The following SAXO1 variants were observed in gnomAD, a reference collection of about 807,000 sequenced individuals.
The protein encoded by SAXO1 is stabilizer of axonemal microtubules 1, also known as 4930500O09Rik.
Under a neutral mutation model 17.5 loss-of-function variants are expected in SAXO1, and 21 were observed. The ratio of observed to expected loss-of-function variants is 1.20; its 90% CI spans 0.85 to 1.72. SAXO1 has a LOEUF of 1.72. SAXO1 is among the 40% of genes most tolerant of loss of function. The pLI is 0.00. For synonymous variants in SAXO1, 274 were observed against 216.5 expected (o/e 1.27, Z -2.33); for missense variants, 843 against 596.0 (o/e 1.41, Z -4.32).
chr9:19,033,006 A>C lies in SAXO1; in HGVS notation c.-98T>G. On this transcript the variant is annotated 5_prime_UTR_variant, in exon 1 of 4. Transcript: ENST00000380534. ...CTGTCTTGGGGCACGCCCAGGCTCGAGGGTCTTGGCAGGTGTTCTGTTTAC... is the reference window on the plus strand; with the variant it reads ...CTGTCTTGGGGCACGCCCAGGCTCGCGGGTCTTGGCAGGTGTTCTGTTTAC... 7.5e-7 allele frequency: 1 copy of C among 1,327,332 alleles called. No individual in the cohort carries two copies. Among genetic ancestry groups the C allele is most frequent in the Non-Finnish European group, 1.0e-6 (1 of 986,186 alleles). 82.2% of individuals were successfully genotyped at this position (1,327,332 alleles called of 1,614,324 possible).
intron 1 of SAXO1, among the ~76,000 whole-genome samples, chr9:18,959,107 G>A (rs767485043): frequency 3.3e-5 from 5 of 152,094 alleles, no homozygotes; most frequent in Admixed American, 1.3e-4. Flanking sequence ...GCTGGGGTGG[G>A]GACAAGGACT....
intron 1 of SAXO1, among the ~76,000 whole-genome samples, chr9:19,045,771 TAGG>T (rs1200185551): frequency 6.6e-6 from 1 of 152,194 alleles, no homozygotes; most frequent in African/African-American, 2.4e-5. Flanking sequence ...TAACTTTAAA[TAGG>T]AGCAGACAAC....
chr9:19,012,061 G>A (rs1208774096), intron 1 of SAXO1, among the ~76,000 whole-genome samples: 1 of 151,762 alleles, frequency 6.6e-6, no homozygotes, highest in Admixed American at 6.6e-5. Context: ...GGCCAGGATG[G>A]TCTCGATCTC....
chr9:18,928,769 G>C lies in SAXO1; in HGVS notation c.708C>G (p.Ser236Arg). 2 of 1,614,142 alleles carry C rather than the reference G, an allele frequency of 1.2e-6. No homozygotes were observed. Among genetic ancestry groups the C allele is most frequent in the Non-Finnish European group, 1.7e-6 (2 of 1,180,032 alleles). Reference protein sequence around the residue: ...KFRPCEIPFESLTTQKQSYRG... With the variant: ...KFRPCEIPFERLTTQKQSYRG... ...GGTAGGATTGTTTTTGAGTGGTAAG[G>C]CTTTCAAAGGGGATTTCACAGGGCC... The change falls in exon 4 of 4, where the codon AGC becomes AGG. Residue 236 changes from serine (S) to arginine (R), a missense_variant. Transcript: ENST00000380534.
At position 19,006,216 on chromosome 9, in the gene SAXO1, T is replaced by G. The variant is rs182260509; in HGVS notation, c.38+26655A>C. Among the ~76,000 whole-genome samples the G allele has an allele frequency of 6.6e-5, 10 of 152,338 alleles. No individual in the cohort carries two copies. The East Asian group carries it at 1.9e-3, about 29-fold the overall frequency. ...TCTCTGTGCAAAACAGTATGATGGT[T>G]TCTCAAAAAGTTAAACATAGAATTA... On this transcript the variant is annotated intron_variant, in intron 1 of 3. Transcript: ENST00000380534.
chr9:18,952,983 C>T (rs1445003322), intron 1 of SAXO1, among the ~76,000 whole-genome samples: 1 of 152,198 alleles, frequency 6.6e-6, no homozygotes. Context: ...AATGACCCAT[C>T]GCCCACAGCG....
chr9:18,960,227 G>A (rs748483071), intron 1 of SAXO1, among the ~76,000 whole-genome samples: 1 of 152,168 alleles, frequency 6.6e-6, no homozygotes, highest in Non-Finnish European at 1.5e-5. Context: ...CCTGGGACGC[G>A]TGGGGTAGGA....
At chr9:19,047,608 A>T (rs1011216915) in intron 1 of SAXO1, among the ~76,000 whole-genome samples, 2 of 152,190 alleles carry the variant, frequency 1.3e-5, no homozygotes, top group African/African-American at 4.8e-5. Context: ...AATTTCGAAT[A>T]TGTTTTTAGA....
intron 1 of SAXO1, among the ~76,000 whole-genome samples, chr9:19,011,386 C>T (rs560250598): frequency 6.6e-6 from 1 of 152,254 alleles, no homozygotes; most frequent in East Asian, 1.9e-4. Flanking sequence ...CACTGGGAAC[C>T]CCAAGGCCAT....
intron 1 of SAXO1, chr9:19,027,486 G>A (rs908394760): frequency 1.1e-5 from 9 of 810,850 alleles, no homozygotes; most frequent in Admixed American, 3.5e-5. Context: ...TTGAGAACTT[G>A]CGGATCCAAC....
At chr9:19,022,863 C>T (rs1267620563) in intron 1 of SAXO1, among the ~76,000 whole-genome samples, 1 of 152,084 alleles carries the variant, frequency 6.6e-6, no homozygotes, top group African/African-American at 2.4e-5. Flanking sequence ...CTGGTAAAGA[C>T]AATAAAACAG....
intron 1 of SAXO1, among the ~76,000 whole-genome samples, chr9:19,018,038 C>A (rs1159691601): frequency 6.6e-6 from 1 of 152,018 alleles, no homozygotes; most frequent in Non-Finnish European, 1.5e-5. Flanking sequence ...TGTGGTTGTA[C>A]ACACCTGTAG....
intron 1 of SAXO1, among the ~76,000 whole-genome samples, chr9:18,956,881 T>G (rs1183418346): frequency 6.6e-6 from 1 of 152,180 alleles, no homozygotes; most frequent in Non-Finnish European, 1.5e-5. Flanking sequence ...CATCACCATT[T>G]TACAAATAGG....
chr9:18,991,716 T>G (rs1833823402), intron 1 of SAXO1, among the ~76,000 whole-genome samples: 1 of 152,144 alleles, frequency 6.6e-6, no homozygotes. Context: ...AAAGTACAAT[T>G]TAAAAAAATT....
At chr9:19,026,106 G>A (rs1835460742) in intron 1 of SAXO1, among the ~76,000 whole-genome samples, 1 of 152,144 alleles carries the variant, frequency 6.6e-6, no homozygotes, top group South Asian at 2.1e-4. Context: ...AAGATTATTT[G>A]TAAGCTTCCC....
intron 1 of SAXO1, among the ~76,000 whole-genome samples, chr9:18,974,268 G>A (rs934169017): frequency 3.3e-5 from 5 of 152,320 alleles, no homozygotes; most frequent in Admixed American, 2.0e-4. Context: ...GTGTTGGAAC[G>A]GAATTGGAAG....
At chr9:19,045,774 G>A (rs1836198439) in intron 1 of SAXO1, among the ~76,000 whole-genome samples, 1 of 152,198 alleles carries the variant, frequency 6.6e-6, no homozygotes, top group Non-Finnish European at 1.5e-5. Context: ...CTTTAAATAG[G>A]AGCAGACAAC....
intron 1 of SAXO1, among the ~76,000 whole-genome samples, chr9:19,030,614 G>C (rs765896702): frequency 3.3e-5 from 5 of 152,106 alleles, no homozygotes; most frequent in Non-Finnish European, 5.9e-5. Flanking sequence ...GCTGGGGCAG[G>C]AGAATCGTTT....
intron 1 of SAXO1, among the ~76,000 whole-genome samples, chr9:19,023,602 G>A (rs986187980): frequency 8.5e-5 from 13 of 152,126 alleles, no homozygotes; most frequent in Non-Finnish European, 1.6e-4. Flanking sequence ...GCCACTTCTC[G>A]TAGTCAATCA....
Sources: gnomAD v4.1 joint callset for allele counts (sites outside exome capture counted in the v4.1 genomes callset) on GRCh38, gnomAD v4.1.1 for gene constraint, MANE v1.5 for transcripts, NCBI Gene and HGNC (gene_info 2026-07-23, HGNC 2026-07-21) for gene names.